Variants in CRIM1 observed in about 807,000 individuals in gnomAD.
CRIM1 encodes cysteine-rich motor neuron 1 protein.
Under a neutral mutation model 116.4 loss-of-function variants are expected in CRIM1, and 32 were observed. The ratio of observed to expected loss-of-function variants is 0.27; its 90% CI spans 0.21 to 0.37. The LOEUF is 0.37. Among genes scored for constraint, CRIM1 ranks in the 10% least tolerant of loss-of-function variants. The pLI, the probability that CRIM1 is intolerant of heterozygous loss-of-function variation, is 1.00. For missense variants in CRIM1, 1,331 were observed against 1,354.8 expected, an observed-to-expected ratio of 0.98 and a Z score of 0.28; for synonymous variants, 590 against 509.2, an observed-to-expected ratio of 1.16 and a Z score of -2.13.
At chr2:36,540,060 A>G (rs1435557674) in intron 14 of CRIM1, among the ~76,000 whole-genome samples, 1 of 152,130 alleles carries the variant, frequency 6.6e-6, no homozygotes, top group African/African-American at 2.4e-5. Context: ...CAAAAGAAAT[A>G]GAGAAGGAGC....
chr2:36,502,456 G>A (rs1470755198), intron 8 of CRIM1, among the ~76,000 whole-genome samples: 1 of 152,134 alleles, frequency 6.6e-6, no homozygotes, highest in Non-Finnish European at 1.5e-5. Context: ...GGAGACCATT[G>A]CATTTTGTAT....
At chr2:36,442,297 G>A (rs959520066) in intron 3 of CRIM1, among the ~76,000 whole-genome samples, 10 of 148,668 alleles carry the variant, frequency 6.7e-5, no homozygotes, top group African/African-American at 2.2e-4. Context: ...GTGATCCTTT[G>A]TCCGTCTCTT....
chr2:36,378,964 T>G (rs1670528433), intron 1 of CRIM1: 1 of 152,254 alleles, frequency 6.6e-6, no homozygotes, highest in African/African-American at 2.4e-5. Flanking sequence ...GTATTGATTT[T>G]AAAAATGAAT....
intron 4 of CRIM1, among the ~76,000 whole-genome samples, chr2:36,463,853 A>C (rs1459324111): frequency 6.6e-6 from 1 of 152,190 alleles, no homozygotes; most frequent in African/African-American, 2.4e-5. Flanking sequence ...TTAAGATCCA[A>C]AAAATTAAGA....
intron 2 of CRIM1, among the ~76,000 whole-genome samples, chr2:36,426,506 G>A (rs1360834594): frequency 6.6e-6 from 1 of 152,138 alleles, no homozygotes; most frequent in Non-Finnish European, 1.5e-5. Context: ...CTCTTTGGAA[G>A]AAATTATCTT....
chr2:36,475,709 G>A (rs377583989), intron 5 of CRIM1, among the ~76,000 whole-genome samples: 1 of 152,218 alleles, frequency 6.6e-6, no homozygotes, highest in African/African-American at 2.4e-5. Context: ...GAGGTTAGCT[G>A]TAGGACTTTT....
At chr2:36,376,597 G>A (rs967629147) in intron 1 of CRIM1, among the ~76,000 whole-genome samples, 2 of 152,146 alleles carry the variant, frequency 1.3e-5, no homozygotes, top group African/African-American at 4.8e-5. Context: ...TTCTTGCCAG[G>A]GGTAAATGCT....
At position 36,547,157 on chromosome 2, in the gene CRIM1, C is replaced by A. The variant is rs146137601; in HGVS notation, c.2920C>A (p.Arg974=). The part of the protein sequence containing the change: ...KQWIPLLCWY[R]TPTKPSSLNN... The stretch of plus-strand genomic sequence containing the variant: ...GTGGATACCACTGCTTTGCTGGTAT[C>A]GAACACCAACTAAGGTACTGTCTTG... Residue 974 remains arginine (R), a synonymous_variant, in exon 16 of 17, where the codon CGA becomes AGA. Coordinates refer to ENST00000280527, the MANE Select transcript of CRIM1 (RefSeq NM_016441.3). The A allele has an allele frequency of 6.2e-7, 1 of 1,611,360 alleles. No homozygotes were observed. The highest frequency in any genetic ancestry group is 1.3e-5 in the African/African-American group (1 of 74,836).
At chr2:36,398,214 C>A (rs887760194) in intron 2 of CRIM1, among the ~76,000 whole-genome samples, 1 of 152,190 alleles carries the variant, frequency 6.6e-6, no homozygotes, top group Non-Finnish European at 1.5e-5. Context: ...GCTATTCTTA[C>A]ATTTCAGGAA....
At chr2:36,479,062 A>T (rs1172041454) in intron 6 of CRIM1, among the ~76,000 whole-genome samples, 1 of 152,210 alleles carries the variant, frequency 6.6e-6, no homozygotes, top group African/African-American at 2.4e-5. Context: ...TAGAAGTAAC[A>T]ATATCACTCT....
chr2:36,534,507 GGAGA>G (rs1012696887), intron 13 of CRIM1, among the ~76,000 whole-genome samples: 1 of 137,926 alleles, frequency 7.3e-6, no homozygotes, highest in Admixed American at 7.1e-5. Flanking sequence ...GGACAGGGAG[GGAGA>G]GAGGGATAGG....
chr2:36,500,560 G>T (rs962730555), intron 8 of CRIM1, among the ~76,000 whole-genome samples: 1 of 152,034 alleles, frequency 6.6e-6, no homozygotes, highest in Non-Finnish European at 1.5e-5. Context: ...AATATAACAA[G>T]AAATTATCCG....
intron 2 of CRIM1, among the ~76,000 whole-genome samples, chr2:36,413,679 T>G (rs892418345): frequency 6.6e-6 from 1 of 152,230 alleles, no homozygotes; most frequent in Non-Finnish European, 1.5e-5. Context: ...AGCGATCTCT[T>G]ATTTTGAGCT....
chr2:36,362,432 A>G (rs3770960), intron 1 of CRIM1, among the ~76,000 whole-genome samples: 18,516 of 152,154 alleles, frequency 0.12, 2,217 homozygotes, highest in East Asian at 0.45. Context: ...GTGTTTCTCA[A>G]CATCTAAGAA....
intron 2 of CRIM1, among the ~76,000 whole-genome samples, chr2:36,417,452 C>G (rs1345384025): frequency 6.6e-6 from 1 of 152,144 alleles, no homozygotes; most frequent in African/African-American, 2.4e-5. Flanking sequence ...ATATGAAATA[C>G]TGTCATAGCA....
chr2:36,360,468 T>A (rs1278266931), intron 1 of CRIM1, among the ~76,000 whole-genome samples: 5 of 152,238 alleles, frequency 3.3e-5, no homozygotes, highest in Non-Finnish European at 5.9e-5. Context: ...AACGCAATCC[T>A]CCTTTTATTT....
chr2:36,474,286 C>G (rs995010969), intron 5 of CRIM1, among the ~76,000 whole-genome samples: 2 of 151,964 alleles, frequency 1.3e-5, no homozygotes, highest in African/African-American at 4.8e-5. Flanking sequence ...TGTCTTTTTA[C>G]CTTTTTGATG....
Position 36,396,761 on chromosome 2 carries a change from G to T in CRIM1, c.479G>T (p.Cys160Phe). The T allele has an allele frequency of 6.2e-7, 1 of 1,612,272 alleles. No individual in the cohort carries two copies. Among genetic ancestry groups the T allele is most frequent in the South Asian group, 1.1e-5 (1 of 90,876 alleles). Residue 160 changes from cysteine (C) to phenylalanine (F), a missense_variant, in exon 2 of 17, where the codon TGC becomes TTC. By Grantham distance (205) the Cys-to-Phe change is radical. Transcript: ENST00000280527. ...NPFEFPSQDMCLSALKRIEEE... is the reference protein window; with the variant it reads ...NPFEFPSQDMFLSALKRIEEE... ...TTTGAGTTTCCAAGTCAGGATATGT[G>T]CCTTTCAGCTTTAAAGAGAATTGAA...
chr2:36,390,242 C>T (rs1323133521), intron 1 of CRIM1, among the ~76,000 whole-genome samples: 1 of 152,188 alleles, frequency 6.6e-6, no homozygotes, highest in South Asian at 2.1e-4. Context: ...TACTCATATT[C>T]TGCAAAATCA....
Sources: allele counts gnomAD v4.1 joint callset (sites outside exome capture counted in the v4.1 genomes callset), GRCh38; gene constraint gnomAD v4.1.1; transcripts MANE v1.5; gene names NCBI Gene and HGNC (gene_info 2026-07-23, HGNC 2026-07-21).